Variants in UNC5C observed in about 807,000 individuals in gnomAD.
UNC5C encodes netrin receptor UNC5C.
In UNC5C, 47 loss-of-function variants were observed where a neutral mutation model predicts 99.8. The observed-to-expected ratio is 0.47, with a 90% CI of 0.37 to 0.60. The LOEUF (loss-of-function observed/expected upper bound fraction) is 0.60. UNC5C is among the 20% of genes least tolerant of loss of function. The probability of loss-of-function intolerance (pLI) is 0.00; values close to 1 mark genes in which losing one functional copy is unlikely to be tolerated. For synonymous variants in UNC5C, 487 were observed against 452.2 expected, an observed-to-expected ratio of 1.08 and a Z score of -0.98; for missense variants, 1,062 against 1,165.9, an observed-to-expected ratio of 0.91 and a Z score of 1.30.
At chr4:95,170,533 A>G (rs1211726106) in intron 14 of UNC5C, among the ~76,000 whole-genome samples, 1 of 152,202 alleles carries the variant, frequency 6.6e-6, no homozygotes, top group African/African-American at 2.4e-5. Flanking sequence ...AGGTACATAC[A>G]TTTTGAGCTA....
chr4:95,469,411 T>C (rs142337888), intron 1 of UNC5C, among the ~76,000 whole-genome samples: 13 of 152,040 alleles, frequency 8.6e-5, no homozygotes, highest in African/African-American at 2.9e-4. Context: ...AATGTCTTCA[T>C]TTTTTTCTCA....
intron 2 of UNC5C, among the ~76,000 whole-genome samples, chr4:95,314,717 A>G (rs1007480697): frequency 6.6e-6 from 1 of 152,192 alleles, no homozygotes; most frequent in Non-Finnish European, 1.5e-5. Flanking sequence ...TCTAGCTGCT[A>G]TTCAAGGCTC....
At chr4:95,177,879 T>C (rs1736436196) in intron 14 of UNC5C, among the ~76,000 whole-genome samples, 2 of 151,674 alleles carry the variant, frequency 1.3e-5, no homozygotes, top group East Asian at 1.9e-4. Flanking sequence ...TTTGCCTTTT[T>C]TTTTTTTAAG....
At chr4:95,219,958 A>C (rs752272179) in intron 8 of UNC5C, 27 bp downstream of exon 8, 1 of 1,602,524 alleles carries the variant, frequency 6.2e-7, no homozygotes, top group Admixed American at 1.7e-5. Flanking sequence ...CATAAGTAAC[A>C]GGGTGTGAAG....
At chr4:95,183,330 A>ACTT (rs1389173315) in intron 13 of UNC5C, among the ~76,000 whole-genome samples, 1 of 152,146 alleles carries the variant, frequency 6.6e-6, no homozygotes, top group African/African-American at 2.4e-5. Context: ...CATGTACCTA[A>ACTT]CCAGTCTGCC....
chr4:95,218,914 T>C, intron 9 of UNC5C, 55 bp downstream of exon 9: 1 of 1,501,188 alleles, frequency 6.7e-7, no homozygotes, highest in Non-Finnish European at 8.9e-7. Flanking sequence ...AAGATTTTGG[T>C]ATGGAAAAAT....
chr4:95,328,243 G>A (rs1241514142), intron 2 of UNC5C, among the ~76,000 whole-genome samples: 6 of 76,974 alleles, frequency 7.8e-5, no homozygotes, highest in Non-Finnish European at 1.1e-4. Flanking sequence ...AGTCCCCAGA[G>A]TGTGATATTC....
chr4:95,167,394 TAACA>T lies in UNC5C; in HGVS notation c.*1836_*1839del, dbSNP rs149795126. 4.6e-5 allele frequency: 7 copies of T among 152,202 alleles called. No homozygotes were observed. The South Asian group carries it at 6.2e-4, about 14-fold the overall frequency. 9.4% of individuals were successfully genotyped at this position (152,202 alleles called of 1,614,324 possible). On this transcript the variant is annotated 3_prime_UTR_variant, in exon 16 of 16. Transcript: ENST00000453304. Reference sequence around the variant, plus strand: ...TGTTTACACAAAGTAGTGTGTTGACTAACAAACATTTTGCAGGACAAAAGTTTTT... The same window carrying T: ...TGTTTACACAAAGTAGTGTGTTGACTAACATTTTGCAGGACAAAAGTTTTT...
intron 1 of UNC5C, among the ~76,000 whole-genome samples, chr4:95,398,023 A>G (rs994785781): frequency 5.6e-5 from 8 of 144,098 alleles, no homozygotes; most frequent in East Asian, 2.1e-4. Context: ...CAATTTCCCA[A>G]TGAGAAGTAG....
intron 1 of UNC5C, among the ~76,000 whole-genome samples, chr4:95,437,802 A>C (rs1446111513): frequency 6.6e-6 from 1 of 152,088 alleles, no homozygotes; most frequent in Non-Finnish European, 1.5e-5. Flanking sequence ...TAAGAAAAGC[A>C]ATAGCCCTAC....
intron 1 of UNC5C, among the ~76,000 whole-genome samples, chr4:95,356,891 C>T (rs879878715): frequency 1.3e-5 from 2 of 152,070 alleles, no homozygotes; most frequent in Non-Finnish European, 2.9e-5. Context: ...GTAAAACTGT[C>T]TCGTTTTATA....
At chr4:95,199,046 C>G (rs1737546939) in intron 12 of UNC5C, among the ~76,000 whole-genome samples, 1 of 152,018 alleles carries the variant, frequency 6.6e-6, no homozygotes, top group Non-Finnish European at 1.5e-5. Flanking sequence ...AAGCTTCCAC[C>G]TGCTTCCTCT....
chr4:95,536,799 A>C (rs1477098048), intron 1 of UNC5C, among the ~76,000 whole-genome samples: 38 of 152,344 alleles, frequency 2.5e-4, no homozygotes. Flanking sequence ...TTAATGTTTG[A>C]GTTATATGCT....
intron 14 of UNC5C, among the ~76,000 whole-genome samples, chr4:95,172,355 G>A (rs1287848090): frequency 6.6e-6 from 1 of 150,756 alleles, no homozygotes; most frequent in Non-Finnish European, 1.5e-5. Context: ...TTTTCTTCTA[G>A]GGTTTTTATG....
At chr4:95,482,282 A>G (rs1046802901) in intron 1 of UNC5C, among the ~76,000 whole-genome samples, 16 of 152,016 alleles carry the variant, frequency 1.1e-4, no homozygotes, top group Non-Finnish European at 2.1e-4. Flanking sequence ...TGGCCATCAG[A>G]GAAATGCAAA....
chr4:95,359,572 C>T (rs1265649508), intron 1 of UNC5C, among the ~76,000 whole-genome samples: 3 of 151,540 alleles, frequency 2.0e-5, no homozygotes, highest in Non-Finnish European at 2.9e-5. Context: ...TTTTCAGCTA[C>T]CCTCTGGGAC....
At chr4:95,471,532 C>A (rs544627137) in intron 1 of UNC5C, among the ~76,000 whole-genome samples, 2 of 152,220 alleles carry the variant, frequency 1.3e-5, no homozygotes, top group African/African-American at 4.8e-5. Context: ...CTTGGACCCC[C>A]CTGACATGCA....
intron 5 of UNC5C, among the ~76,000 whole-genome samples, chr4:95,249,667 C>G (rs1739622757): frequency 6.6e-6 from 1 of 152,132 alleles, no homozygotes; most frequent in Non-Finnish European, 1.5e-5. Flanking sequence ...TGTGCCACAT[C>G]AGAATGGGGT....
In UNC5C at chr4:95,163,199, T is replaced by C. The variant is rs1735740071; in HGVS notation, c.*6035A>G. On this transcript the variant is annotated 3_prime_UTR_variant, in exon 16 of 16. Transcript: ENST00000453304. The stretch of plus-strand genomic sequence containing the variant: ...TTCCACTGTTCTGACTGCTGTACTT[T>C]TTCTTGTCCATGGCCTGGAGGAGTA... The C allele has an allele frequency of 6.6e-6, 1 of 152,234 alleles. No individual in the cohort carries two copies. Among genetic ancestry groups the C allele is most frequent in the African/African-American group, 2.4e-5 (1 of 41,454 alleles). 9.4% of individuals were successfully genotyped at this position (152,234 alleles called of 1,614,324 possible). A position where few individuals can be genotyped will look rare whatever the true frequency, so the allele number is the denominator to read the frequency against.
Sources: gnomAD v4.1 joint callset for allele counts (sites outside exome capture counted in the v4.1 genomes callset) on GRCh38, gnomAD v4.1.1 for gene constraint, MANE v1.5 for transcripts, NCBI Gene and HGNC (gene_info 2026-07-23, HGNC 2026-07-21) for gene names.